SIM1: variants seen among roughly 807,000 people sequenced by gnomAD.
The protein encoded by SIM1 is SIM bHLH transcription factor 1.
In SIM1, 18 loss-of-function variants were observed where a neutral mutation model predicts 78.2. The observed-to-expected ratio is 0.23, with a 90% CI of 0.16 to 0.34. SIM1 has a LOEUF of 0.34. Among genes scored for constraint, SIM1 ranks in the 10% least tolerant of loss-of-function variants. The pLI is 1.00. For missense variants in SIM1, 939 were observed against 975.1 expected (o/e 0.96, Z 0.49); for synonymous variants, 417 against 385.2 (o/e 1.08, Z -0.97).
At chr6:100,461,289 G>A (rs974322714) in intron 2 of SIM1, among the ~76,000 whole-genome samples, 3 of 152,136 alleles carry the variant, frequency 2.0e-5, no homozygotes, top group Non-Finnish European at 4.4e-5. Flanking sequence ...ATGCAAAAAG[G>A]CTTGCTCTTT....
chr6:100,399,066 G>A (rs559472199), intron 10 of SIM1, among the ~76,000 whole-genome samples: 4 of 151,980 alleles, frequency 2.6e-5, no homozygotes, highest in South Asian at 2.1e-4. Context: ...GCATCCTTCC[G>A]CAGGCATATT....
chr6:100,413,904 C>T (rs185939408), intron 10 of SIM1, among the ~76,000 whole-genome samples: 1 of 152,324 alleles, frequency 6.6e-6, no homozygotes, highest in African/African-American at 2.4e-5. Flanking sequence ...CTTCTGCACA[C>T]TGTCTCCTAA....
intron 9 of SIM1, among the ~76,000 whole-genome samples, chr6:100,440,480 A>T (rs1052825667): frequency 6.6e-6 from 1 of 152,202 alleles, no homozygotes; most frequent in African/African-American, 2.4e-5. Flanking sequence ...AATGCCCCAC[A>T]AAGTAACTTC....
At chr6:100,410,732 G>A (rs1362780978) in intron 10 of SIM1, among the ~76,000 whole-genome samples, 1 of 152,152 alleles carries the variant, frequency 6.6e-6, no homozygotes, top group Non-Finnish European at 1.5e-5. Flanking sequence ...AGGTATTTAA[G>A]CAGATAAAGT....
intron 10 of SIM1, among the ~76,000 whole-genome samples, chr6:100,412,811 C>T (rs1465553767): frequency 6.6e-6 from 1 of 151,666 alleles, no homozygotes. Context: ...GACGGACGGA[C>T]GGAAGGAAGG....
rs983415659 is a variant in SIM1 at position 100,463,412 on chromosome 6, T to C, written c.57A>G (p.Glu19=). ...GCAGTAATTTAGCCAGTTCATAAAATTCACTGTTTTCCTTCTCCCTCCTAG... is the reference window on the plus strand; with the variant it reads ...GCAGTAATTTAGCCAGTTCATAAAACTCACTGTTTTCCTTCTCCCTCCTAG... ...ARTRREKENS[E]FYELAKLLPL... is the part of the protein sequence containing the mutation. Residue 19 remains glutamate (E), a synonymous_variant, in exon 2 of 12, where the codon GAA becomes GAG. Coordinates refer to ENST00000369208, the MANE Select transcript of SIM1 (RefSeq NM_005068.3). 1 of 1,613,904 alleles carries C rather than the reference T, an allele frequency of 6.2e-7. No individual in the cohort carries two copies. The highest frequency in any genetic ancestry group is 1.3e-5 in the African/African-American group (1 of 74,920).
chr6:100,393,076 T>C (rs953332886), intron 11 of SIM1, among the ~76,000 whole-genome samples: 1 of 152,106 alleles, frequency 6.6e-6, no homozygotes, highest in Admixed American at 6.5e-5. Context: ...AGACTGGCCC[T>C]CTCCAACATA....
chr6:100,391,004 T>A lies in SIM1; in HGVS notation c.1658A>T (p.Gln553Leu), dbSNP rs1436385853. ...GGGTTCATGTGGGCTACTTTGATAC[T>A]GCTCAGTACGATATCGGTCACCTGA... ...SESGDRYRTE[Q>L]YQSSPHEPSK... The change falls in exon 12 of 12, where the codon CAG becomes CTG. Residue 553 changes from glutamine to leucine, a missense_variant. Gln to Leu is a moderately radical substitution (Grantham distance 113). Coordinates refer to ENST00000369208, the MANE Select transcript of SIM1 (RefSeq NM_005068.3). 6.2e-7 allele frequency: 1 copy of A among 1,614,152 alleles called. No individual in the cohort carries two copies. The highest frequency in any genetic ancestry group is 1.7e-5 in the Admixed American group (1 of 60,022).
intron 8 of SIM1, 113 bp from the exon 9 acceptor site, chr6:100,447,528 C>T: frequency 8.5e-7 from 1 of 1,179,044 alleles, no homozygotes. Flanking sequence ...AATAACTGCA[C>T]CAGGCAGGAG....
At chr6:100,438,409 A>T (rs1199978293) in intron 9 of SIM1, among the ~76,000 whole-genome samples, 1 of 152,258 alleles carries the variant, frequency 6.6e-6, no homozygotes, top group Non-Finnish European at 1.5e-5. Context: ...AACCCCAGTG[A>T]GGTACCACCT....
intron 9 of SIM1, among the ~76,000 whole-genome samples, chr6:100,425,349 A>G (rs940599585): frequency 6.6e-6 from 1 of 152,154 alleles, no homozygotes; most frequent in Non-Finnish European, 1.5e-5. Flanking sequence ...GTTACTTTTT[A>G]GCTTCTAAAA....
intron 9 of SIM1, among the ~76,000 whole-genome samples, chr6:100,423,659 G>A (rs78058512): frequency 0.037 from 5,702 of 152,250 alleles, 206 homozygotes; most frequent in East Asian, 0.18. Flanking sequence ...AAGACAACAA[G>A]GATGAAACTA....
intron 10 of SIM1, among the ~76,000 whole-genome samples, chr6:100,397,273 C>T (rs1270022438): frequency 6.6e-6 from 1 of 152,192 alleles, no homozygotes; most frequent in Non-Finnish European, 1.5e-5. Flanking sequence ...TAATCTGGAT[C>T]TGTCCACATA....
At chr6:100,443,224 A>G (rs1582312384) in intron 9 of SIM1, among the ~76,000 whole-genome samples, 1 of 152,256 alleles carries the variant, frequency 6.6e-6, no homozygotes, top group South Asian at 2.1e-4. Flanking sequence ...ACACAGAAAT[A>G]GAAGTTTTAA....
chr6:100,410,078 T>C (rs1771156190), intron 10 of SIM1, among the ~76,000 whole-genome samples: 1 of 152,170 alleles, frequency 6.6e-6, no homozygotes, highest in African/African-American at 2.4e-5. Flanking sequence ...AAAAAATCTG[T>C]GAAAGAAGGA....
Position 100,448,594 on chromosome 6 carries a change from G to C in SIM1, c.628C>G (p.Leu210Val). ...GGCAGCGAGTGGCCCACGGCCACCAGGCCCACGTTTTGGTAGCAGCCGTCG... is the reference window on the plus strand; with the variant it reads ...GGCAGCGAGTGGCCCACGGCCACCACGCCCACGTTTTGGTAGCAGCCGTCG... ...PFDGCYQNVG[L>V]VAVGHSLPPS... The change falls in exon 7 of 12, where the codon CTG becomes GTG. Residue 210 changes from leucine (L) to valine (V), a missense_variant. This residue lies in a region of SIM1 where 187 missense variants were observed against 191.6 expected (regional missense o/e 0.98). Transcript: ENST00000369208. 4 of 1,614,138 alleles carry C rather than the reference G, an allele frequency of 2.5e-6. No homozygotes were observed. The highest frequency in any genetic ancestry group is 3.4e-6 in the Non-Finnish European group (4 of 1,180,032).
intron 2 of SIM1, among the ~76,000 whole-genome samples, chr6:100,459,420 A>T (rs1002440347): frequency 6.6e-6 from 1 of 152,234 alleles, no homozygotes; most frequent in African/African-American, 2.4e-5. Context: ...AACTGTGCTT[A>T]AAGGCCTTTA....
rs915091539 is a variant in SIM1 at position 100,388,393 on chromosome 6, A to C, written c.*1968T>G. On this transcript the variant is annotated 3_prime_UTR_variant, in exon 12 of 12. Transcript: ENST00000369208. ...CACATAAGTGAATCTGCACAGTTCA[A>C]ACCCATGTTATTCAAGGGTCAACTG... The C allele has an allele frequency of 1.9e-4, 29 of 152,232 alleles. No homozygotes were observed. The highest frequency in any genetic ancestry group is 1.2e-4 in the Non-Finnish European group (8 of 68,032). 9.4% of individuals were successfully genotyped at this position (152,232 alleles called of 1,614,324 possible). A position where few individuals can be genotyped will look rare whatever the true frequency, so the allele number is the denominator to read the frequency against.
At chr6:100,450,741 G>A (rs1047534940) in intron 3 of SIM1, among the ~76,000 whole-genome samples, 3 of 144,486 alleles carry the variant, frequency 2.1e-5, no homozygotes, top group African/African-American at 7.8e-5. Flanking sequence ...CAGTTCTAGG[G>A]GGAAAAATCA....
Sources: gnomAD v4.1 joint callset for allele counts (sites outside exome capture counted in the v4.1 genomes callset) on GRCh38, gnomAD v4.1.1 for gene constraint, gnomAD v4.1.1 regional missense constraint, MANE v1.5 for transcripts, NCBI Gene and HGNC (gene_info 2026-07-23, HGNC 2026-07-21) for gene names.